MAGI2: variants seen among roughly 807,000 people sequenced by gnomAD.
MAGI2 encodes membrane associated guanylate kinase, WW and PDZ domain containing 2, also known as membrane-associated guanylate kinase, WW and PDZ domain-containing protein 2.
A neutral mutation model predicts 133.3 loss-of-function variants in MAGI2; 35 were observed. That is an observed-to-expected ratio of 0.26 (90% CI 0.20 to 0.35). The LOEUF (loss-of-function observed/expected upper bound fraction) is 0.35. Among genes scored for constraint, MAGI2 ranks in the 10% least tolerant of loss-of-function variants. The pLI, the probability that MAGI2 is intolerant of heterozygous loss-of-function variation, is 1.00. For synonymous variants in MAGI2, 729 were observed against 710.6 expected (o/e 1.03, Z -0.41); for missense variants, 1,636 against 1,863.4 (o/e 0.88, Z 2.25).
At chr7:79,404,983 G>A (rs1223846699) in intron 1 of MAGI2, among the ~76,000 whole-genome samples, 2 of 152,064 alleles carry the variant, frequency 1.3e-5, no homozygotes, top group Non-Finnish European at 2.9e-5. Flanking sequence ...ATGAGTGCAT[G>A]GGTCTCCTCC....
intron 2 of MAGI2, among the ~76,000 whole-genome samples, chr7:78,926,252 A>G (rs1408487727): frequency 2.0e-5 from 3 of 152,030 alleles, no homozygotes; most frequent in Non-Finnish European, 4.4e-5. Context: ...TAAAAAGCAG[A>G]GTCTGCTTAT....
intron 2 of MAGI2, among the ~76,000 whole-genome samples, chr7:78,820,262 AC>A (rs1789975857): frequency 6.6e-6 from 1 of 151,948 alleles, no homozygotes; most frequent in African/African-American, 2.4e-5. Flanking sequence ...AAGGAACTGA[AC>A]TTTTAGGTGG....
At chr7:78,729,198 C>T (rs4370470) in intron 2 of MAGI2, among the ~76,000 whole-genome samples, 14,568 of 152,166 alleles carry the variant, frequency 0.096, 832 homozygotes, top group East Asian at 0.23. Flanking sequence ...AATATCCAAA[C>T]CACTGGGATA....
At chr7:78,553,060 A>C (rs747062525) in intron 3 of MAGI2, among the ~76,000 whole-genome samples, 1 of 151,438 alleles carries the variant, frequency 6.6e-6, no homozygotes, top group African/African-American at 2.4e-5. Flanking sequence ...AGAGAAGGAA[A>C]ATTCAGAAGT....
At chr7:78,130,051 T>C (rs184552455) in intron 18 of MAGI2, among the ~76,000 whole-genome samples, 15 of 152,020 alleles carry the variant, frequency 9.9e-5, no homozygotes, top group Admixed American at 5.9e-4. Flanking sequence ...CATTTTAAAC[T>C]GCAAATATCA....
intron 2 of MAGI2, among the ~76,000 whole-genome samples, chr7:78,982,165 A>G (rs555813956): frequency 7.3e-4 from 111 of 151,802 alleles, no homozygotes; most frequent in Admixed American, 2.2e-3. Context: ...TCCAGTTCCT[A>G]CTTATTTCTG....
intron 1 of MAGI2, among the ~76,000 whole-genome samples, chr7:79,015,382 G>A (rs1188500103): frequency 6.6e-6 from 1 of 152,038 alleles, no homozygotes; most frequent in Non-Finnish European, 1.5e-5. Flanking sequence ...ACTCTCCAAT[G>A]ATCTGGTACA....
rs1043314188 is a variant in MAGI2, at chr7:78,422,193, T to C, written c.1046-52980A>G. On this transcript the variant is annotated intron_variant, in intron 6 of 21. Coordinates refer to ENST00000354212, the MANE Select transcript of MAGI2 (RefSeq NM_012301.4). ...AGGGCACAGGGCTTTGCATGCAGAA[T>C]GGAGCAGGGATGAACTCACACAGAG... Among the ~76,000 whole-genome samples, 2 of 152,284 alleles carry C rather than the reference T, an allele frequency of 1.3e-5. 1 individual carries two copies. The highest frequency in any genetic ancestry group is 1.3e-4 in the Admixed American group (2 of 15,290).
At chr7:78,263,752 C>T (rs1562708387) in intron 9 of MAGI2, among the ~76,000 whole-genome samples, 2 of 152,158 alleles carry the variant, frequency 1.3e-5, no homozygotes, top group African/African-American at 4.8e-5. Context: ...GCCCTTTTCA[C>T]TTAACATCCT....
chr7:78,879,049 C>T (rs952137959), intron 2 of MAGI2, among the ~76,000 whole-genome samples: 1 of 152,178 alleles, frequency 6.6e-6, no homozygotes, highest in African/African-American at 2.4e-5. Context: ...ATCCACTCTC[C>T]TGAATTAGGA....
intron 3 of MAGI2, among the ~76,000 whole-genome samples, chr7:78,575,595 A>G (rs1802186887): frequency 6.6e-6 from 1 of 152,194 alleles, no homozygotes; most frequent in Non-Finnish European, 1.5e-5. Flanking sequence ...ATGAAGCTTA[A>G]TATCGATAGT....
At chr7:78,397,274 A>G (rs1796429675) in intron 6 of MAGI2, among the ~76,000 whole-genome samples, 1 of 151,918 alleles carries the variant, frequency 6.6e-6, no homozygotes, top group Admixed American at 6.6e-5. Flanking sequence ...GAAGCAGAGA[A>G]GGATTGAGTC....
At chr7:79,005,352 T>C (rs1807327691) in intron 2 of MAGI2, among the ~76,000 whole-genome samples, 1 of 152,148 alleles carries the variant, frequency 6.6e-6, no homozygotes, top group South Asian at 2.1e-4. Flanking sequence ...GGATTTCCAA[T>C]TAAATTTATG....
intron 3 of MAGI2, 55 bp downstream of exon 3, chr7:78,627,065 G>A (rs1326109946): frequency 6.0e-6 from 9 of 1,501,246 alleles, no homozygotes; most frequent in South Asian, 2.8e-5. Flanking sequence ...CATTTCCATC[G>A]AATGAGAAAA....
chr7:78,767,259 G>GATT (rs1162091001), intron 2 of MAGI2, among the ~76,000 whole-genome samples: 1 of 152,056 alleles, frequency 6.6e-6, no homozygotes, highest in African/African-American at 2.4e-5. Context: ...AAAGTGCCAG[G>GATT]ATTACAGGCG....
chr7:78,025,265 C>T (rs1808802589), intron 21 of MAGI2, among the ~76,000 whole-genome samples: 1 of 152,190 alleles, frequency 6.6e-6, no homozygotes, highest in Non-Finnish European at 1.5e-5. Context: ...TCTTTTTCAT[C>T]CTTCAGGACT....
At chr7:78,176,510 G>A (rs574078638) in intron 14 of MAGI2, among the ~76,000 whole-genome samples, 3 of 152,158 alleles carry the variant, frequency 2.0e-5, no homozygotes, top group South Asian at 2.1e-4. Flanking sequence ...GAAGCGCCTC[G>A]GGGTTCCTGC....
intron 2 of MAGI2, among the ~76,000 whole-genome samples, chr7:78,750,558 C>G (rs1169859755): frequency 6.6e-6 from 1 of 152,182 alleles, no homozygotes; most frequent in Non-Finnish European, 1.5e-5. Flanking sequence ...GGAAACAAAA[C>G]AGGCACTTCT....
chr7:79,288,409 T>C (rs1836196884), intron 1 of MAGI2, among the ~76,000 whole-genome samples: 1 of 152,158 alleles, frequency 6.6e-6, no homozygotes, highest in Non-Finnish European at 1.5e-5. Flanking sequence ...TCCAAAAATA[T>C]TCTACTGCAA....
Sources: allele counts gnomAD v4.1 joint callset (sites outside exome capture counted in the v4.1 genomes callset), GRCh38; gene constraint gnomAD v4.1.1; transcripts MANE v1.5; gene names NCBI Gene and HGNC (gene_info 2026-07-23, HGNC 2026-07-21).